KIF5C: variants seen among roughly 807,000 people sequenced by gnomAD.
The protein encoded by KIF5C is kinesin family member 5C.
Under a neutral mutation model 125.2 loss-of-function variants are expected in KIF5C, and 18 were observed. That is an observed-to-expected ratio of 0.14 (90% CI 0.10 to 0.21). The LOEUF is 0.21. Among genes scored for constraint, KIF5C ranks in the 10% least tolerant of loss-of-function variants. KIF5C has a pLI of 1.00. For missense variants in KIF5C, 780 were observed against 1,183.8 expected (o/e 0.66, Z 5.01); for synonymous variants, 405 against 434.0 (o/e 0.93, Z 0.83).
At chr2:148,949,126 C>G (rs144871195) in intron 8 of KIF5C, among the ~76,000 whole-genome samples, 1 of 152,238 alleles carries the variant, frequency 6.6e-6, no homozygotes, top group African/African-American at 2.4e-5. Context: ...TCCCTTTTTT[C>G]TAGCATCTGT....
At chr2:149,008,971 T>C (rs1040121334) in intron 23 of KIF5C, among the ~76,000 whole-genome samples, 1 of 151,242 alleles carries the variant, frequency 6.6e-6, no homozygotes, top group Non-Finnish European at 1.5e-5. Context: ...TTATTTTTAT[T>C]TATTTTTGTT....
chr2:148,973,573 G>C, intron 12 of KIF5C, 62 bp downstream of exon 12: 1 of 1,514,102 alleles, frequency 6.6e-7, no homozygotes, highest in African/African-American at 1.4e-5. Flanking sequence ...GCAGGTCCCA[G>C]CTCCCTATGG....
At chr2:149,007,186 G>A (rs538533867) in intron 22 of KIF5C, among the ~76,000 whole-genome samples, 1 of 152,288 alleles carries the variant, frequency 6.6e-6, no homozygotes, top group East Asian at 1.9e-4. Flanking sequence ...CAAATTTGGG[G>A]AGCTCAGTTT....
intron 12 of KIF5C, among the ~76,000 whole-genome samples, chr2:148,978,334 GTTTTTTTTTTTT>G (rs71406035): frequency 1.3e-5 from 1 of 78,636 alleles, no homozygotes; most frequent in Admixed American, 2.0e-4. Flanking sequence ...CTGCCCTGAG[GTTTTTTTTTTTT>G]TTTTTTTTTT....
At chr2:148,920,072 A>T (rs1446813789) in intron 1 of KIF5C, among the ~76,000 whole-genome samples, 1 of 152,226 alleles carries the variant, frequency 6.6e-6, no homozygotes, top group East Asian at 1.9e-4. Context: ...TAAACATTTT[A>T]AACAGAAGGG....
rs559040535 is a variant in KIF5C at position 148,992,545 on chromosome 2, A to G, written c.1905+1347A>G. Among the ~76,000 whole-genome samples, 140 of 152,246 alleles carry G rather than the reference A, an allele frequency of 9.2e-4. 1 individual carries two copies. The highest frequency in any genetic ancestry group is 1.3e-3 in the Non-Finnish European group (87 of 68,038). On this transcript the variant is annotated intron_variant, in intron 16 of 25. Transcript: ENST00000435030. ...TGCCCAAATATCCATTGATAGACTA[A>G]TAAGATAAAGTTACATGGAATAATA...
chr2:148,964,866 T>G (rs751889838), intron 11 of KIF5C, among the ~76,000 whole-genome samples: 9 of 152,176 alleles, frequency 5.9e-5, no homozygotes, highest in Non-Finnish European at 7.4e-5. Flanking sequence ...GAAGATCCAT[T>G]GGCTGTATTG....
In KIF5C at chr2:149,026,609, A is replaced by G. The variant is rs368193824; in HGVS notation, c.*3539A>G. 3.3e-5 allele frequency: 5 copies of G among 152,694 alleles called. No individual in the cohort carries two copies. The East Asian group carries it at 9.6e-4, about 29-fold the overall frequency. The allele number at this position is 152,694 out of a possible 1,614,324, so 9.5% of individuals were successfully genotyped here. On this transcript the variant is annotated 3_prime_UTR_variant, in exon 26 of 26. Transcript: ENST00000435030. The stretch of plus-strand genomic sequence containing the variant: ...GATGCTGTACTATAGTCCATGTAAC[A>G]AAAGATCTGGAAGTCACCCTCCTCT...
At position 148,961,922 on chromosome 2, in the gene KIF5C, G is replaced by C. The variant is rs755885057; in HGVS notation, c.969-49G>C. On this transcript the variant is annotated intron_variant, in intron 10 of 25. Coordinates refer to ENST00000435030, the MANE Select transcript of KIF5C (RefSeq NM_004522.3). ...TCTTGGGCTTAATCATATTGGTTTA[G>C]CTAATGGTAATAATTAGCTGAATTG... 4 of 1,584,194 alleles carry C rather than the reference G, an allele frequency of 2.5e-6. No homozygotes were observed. In the South Asian group the frequency reaches 4.7e-5, roughly 18 times the overall value.
At chr2:148,957,591 G>GT (rs1682823105) in intron 10 of KIF5C, among the ~76,000 whole-genome samples, 1 of 58,904 alleles carries the variant, frequency 1.7e-5, no homozygotes, top group African/African-American at 9.1e-5. Context: ...GTTTGTTCTA[G>GT]TAAAAAAAAA....
chr2:148,896,291 T>C lies in KIF5C; in HGVS notation c.126+20548T>C, dbSNP rs192561010. Among the ~76,000 whole-genome samples, 192 of 152,198 alleles carry C rather than the reference T, an allele frequency of 1.3e-3. 1 individual carries two copies. In the Middle Eastern group the frequency reaches 0.02, roughly 16 times the overall value. On this transcript the variant is annotated intron_variant, in intron 1 of 25. Transcript: ENST00000435030. Reference sequence around the variant, plus strand: ...GCTTGTGTGAGCAGTGAACAACACATACGTGAGCTAAGCCTGCAAACAAAG... The same window carrying C: ...GCTTGTGTGAGCAGTGAACAACACACACGTGAGCTAAGCCTGCAAACAAAG...
At chr2:148,941,708 G>A in intron 5 of KIF5C, 50 bp downstream of exon 5, 1 of 1,541,858 alleles carries the variant, frequency 6.5e-7, no homozygotes, top group Non-Finnish European at 8.7e-7. Flanking sequence ...CGAAAGTCCG[G>A]GGAGGTTGAA....
chr2:149,024,260 G>C lies in KIF5C; in HGVS notation c.*1190G>C, dbSNP rs1239100769. The stretch of plus-strand genomic sequence containing the variant: ...GCTGAATCAACCCTTACTTCCAGTT[G>C]TGCTTATTAAGAAGATCAATTTCCA... On this transcript the variant is annotated 3_prime_UTR_variant, in exon 26 of 26. Transcript: ENST00000435030. The C allele has an allele frequency of 1.3e-5, 2 of 152,532 alleles. No homozygotes were observed. The highest frequency in any genetic ancestry group is 2.4e-5 in the African/African-American group (1 of 41,414). The allele number at this position is 152,532 out of a possible 1,614,324, so 9.4% of individuals were successfully genotyped here.
chr2:148,963,802 C>A (rs929960343), intron 11 of KIF5C, among the ~76,000 whole-genome samples: 1 of 152,062 alleles, frequency 6.6e-6, no homozygotes, highest in African/African-American at 2.4e-5. Context: ...CTTTTTTCCC[C>A]CATCATTTTG....
intron 7 of KIF5C, among the ~76,000 whole-genome samples, chr2:148,944,728 A>G (rs1682484465): frequency 6.6e-6 from 1 of 152,144 alleles, no homozygotes; most frequent in Non-Finnish European, 1.5e-5. Context: ...ATTTGCTATT[A>G]TTACGATTTT....
Position 148,994,759 on chromosome 2 carries a change from G to A in KIF5C, c.2023+221G>A, listed in dbSNP as rs543512001. Reference sequence around the variant, plus strand: ...GCTCTGTTGCCCAGGCTGAAGTGCGGTGGCATAATCTCAGTTCACTGCAAC... The same window carrying A: ...GCTCTGTTGCCCAGGCTGAAGTGCGATGGCATAATCTCAGTTCACTGCAAC... On this transcript the variant is annotated intron_variant, in intron 17 of 25. Transcript: ENST00000435030. Among the ~76,000 whole-genome samples, 6 of 151,612 alleles carry A rather than the reference G, an allele frequency of 4.0e-5. No homozygotes were observed. The South Asian group carries it at 1.3e-3, about 32-fold the overall frequency.
chr2:148,900,613 T>G (rs1484701001), intron 1 of KIF5C, among the ~76,000 whole-genome samples: 1 of 152,170 alleles, frequency 6.6e-6, no homozygotes, highest in Non-Finnish European at 1.5e-5. Flanking sequence ...AAAATGAAGT[T>G]TGCATTCAGT....
intron 10 of KIF5C, among the ~76,000 whole-genome samples, chr2:148,957,606 A>C (rs1014887652): frequency 6.0e-4 from 90 of 151,018 alleles, no homozygotes; most frequent in South Asian, 2.1e-3. Flanking sequence ...AAAAAAAAAA[A>C]AAAAAAAAAA....
At chr2:148,882,918 A>G (rs547254166) in intron 1 of KIF5C, among the ~76,000 whole-genome samples, 1 of 152,158 alleles carries the variant, frequency 6.6e-6, no homozygotes, top group East Asian at 1.9e-4. Context: ...TGTCTCCAAG[A>G]CCCGGAACAA....
Sources: allele counts gnomAD v4.1 joint callset (sites outside exome capture counted in the v4.1 genomes callset), GRCh38; gene constraint gnomAD v4.1.1; transcripts MANE v1.5; gene names NCBI Gene and HGNC (gene_info 2026-07-23, HGNC 2026-07-21).